Variants in FGF14 observed in about 807,000 individuals in gnomAD.
FGF14 encodes the protein fibroblast growth factor homologous factor 4.
A neutral mutation model predicts 25.5 loss-of-function variants in FGF14; 5 were observed. The ratio of observed to expected loss-of-function variants is 0.20; its 90% confidence interval spans 0.10 to 0.41. FGF14 has a LOEUF of 0.41. Ranked by LOEUF, FGF14 falls within the 10% of genes least tolerant of loss-of-function variation. FGF14 has a pLI of 1.00. For missense variants in FGF14, 222 were observed against 320.1 expected (o/e 0.69, Z 2.34); for synonymous variants, 138 against 118.3 (o/e 1.17, Z -1.08).
chr13:102,167,344 T>G (rs2048060311), intron 1 of FGF14, among the ~76,000 whole-genome samples: 1 of 149,998 alleles, frequency 6.7e-6, no homozygotes, highest in Admixed American at 6.6e-5. Flanking sequence ...AGGAAATTGT[T>G]ACCTCAGGTT....
intron 1 of FGF14, among the ~76,000 whole-genome samples, chr13:102,082,000 A>C (rs1595205918): frequency 6.6e-6 from 1 of 152,212 alleles, no homozygotes; most frequent in Non-Finnish European, 1.5e-5. Context: ...TTATTTAAGC[A>C]GTCAAAACAA....
chr13:102,198,499 A>G (rs1451223014), intron 1 of FGF14, among the ~76,000 whole-genome samples: 2 of 152,168 alleles, frequency 1.3e-5, no homozygotes, highest in African/African-American at 4.8e-5. Context: ...CTAGTCTTAA[A>G]ATTGCCTTTA....
intron 1 of FGF14, among the ~76,000 whole-genome samples, chr13:102,334,122 G>T (rs1484299691): frequency 6.6e-6 from 1 of 152,138 alleles, no homozygotes; most frequent in African/African-American, 2.4e-5. Flanking sequence ...GCCACCCAAA[G>T]TAAACCGGAA....
At chr13:101,872,583 G>GT (rs2045161156) in intron 2 of FGF14, among the ~76,000 whole-genome samples, 1 of 151,900 alleles carries the variant, frequency 6.6e-6, no homozygotes, top group Non-Finnish European at 1.5e-5. Flanking sequence ...AAGAAACACC[G>GT]TTTTGCAATT....
At chr13:102,359,224 ATACT>A (rs1426473267) in intron 1 of FGF14, among the ~76,000 whole-genome samples, 3 of 152,100 alleles carry the variant, frequency 2.0e-5, no homozygotes, top group African/African-American at 7.2e-5. Flanking sequence ...CCTGGGCTTA[ATACT>A]TAGGTGATGG....
In FGF14 at chr13:102,026,054, T is replaced by C. The variant is rs193289268; in HGVS notation, c.209-150758A>G. Reference sequence around the variant, plus strand: ...GTTCTAGGGGGAAATCATTCAGTCTTTCCTAATTTAGTCTGATGTTGATGT... The same window carrying C: ...GTTCTAGGGGGAAATCATTCAGTCTCTCCTAATTTAGTCTGATGTTGATGT... On this transcript the variant is annotated intron_variant, in intron 1 of 4. Transcript: ENST00000376131. Among the ~76,000 whole-genome samples, 363 of 152,138 alleles carry C rather than the reference T, an allele frequency of 2.4e-3. 1 individual carries two copies. Among genetic ancestry groups the C allele is most frequent in the Non-Finnish European group, 4.2e-3 (284 of 67,940 alleles).
At chr13:102,394,911 G>A (rs1566985699) in intron 1 of FGF14, 1 of 152,268 alleles carries the variant, frequency 6.6e-6, no homozygotes. Context: ...ACACTTCTCT[G>A]GAAGCCCGGG....
chr13:102,286,547 T>G (rs767168097), intron 1 of FGF14, among the ~76,000 whole-genome samples: 1 of 152,234 alleles, frequency 6.6e-6, no homozygotes, highest in Non-Finnish European at 1.5e-5. Context: ...GCTTAACTCA[T>G]AGTGCTCATC....
chr13:102,304,486 A>G (rs565709231), intron 1 of FGF14, among the ~76,000 whole-genome samples: 173 of 152,300 alleles, frequency 1.1e-3, no homozygotes, highest in Admixed American at 2.0e-3. Context: ...TTACTCAGTC[A>G]GATAGGCTTA....
intron 3 of FGF14, among the ~76,000 whole-genome samples, chr13:101,854,950 G>A (rs2044046076): frequency 6.6e-6 from 1 of 151,970 alleles, no homozygotes; most frequent in African/African-American, 2.4e-5. Context: ...AAATACCTAT[G>A]AGTACATATC....
intron 1 of FGF14, among the ~76,000 whole-genome samples, chr13:102,047,598 A>G (rs1013870725): frequency 2.0e-5 from 3 of 152,156 alleles, no homozygotes; most frequent in African/African-American, 4.8e-5. Flanking sequence ...CAAACACCGC[A>G]TATTCTCACT....
chr13:102,074,485 AGGTGTCATG>A (rs2043280917), intron 1 of FGF14, among the ~76,000 whole-genome samples: 3 of 152,218 alleles, frequency 2.0e-5, no homozygotes, highest in Admixed American at 1.3e-4. Context: ...CTAATGTGGC[AGGTGTCATG>A]TTAGACACTG....
intron 1 of FGF14, among the ~76,000 whole-genome samples, chr13:102,284,185 G>C (rs562790757): frequency 4.1e-4 from 62 of 152,260 alleles, no homozygotes; most frequent in African/African-American, 1.5e-3. Flanking sequence ...AACAGGTCTT[G>C]CATACACAAA....
chr13:102,314,916 A>G (rs1334610888), intron 1 of FGF14, among the ~76,000 whole-genome samples: 1 of 149,832 alleles, frequency 6.7e-6, no homozygotes, highest in East Asian at 1.9e-4. Flanking sequence ...ATATAAAAAT[A>G]CATAATAAAT....
intron 1 of FGF14, among the ~76,000 whole-genome samples, chr13:102,208,163 G>T (rs1034466183): frequency 6.6e-6 from 1 of 152,156 alleles, no homozygotes; most frequent in African/African-American, 2.4e-5. Context: ...TGAGAGATTC[G>T]CAAGGGGAAA....
chr13:101,867,477 T>C (rs2044772265), intron 3 of FGF14, among the ~76,000 whole-genome samples: 1 of 152,122 alleles, frequency 6.6e-6, no homozygotes, highest in African/African-American at 2.4e-5. Flanking sequence ...TCTAATGATG[T>C]TTAGGCCCCT....
chr13:101,749,852 G>A (rs1346916471), intron 3 of FGF14, among the ~76,000 whole-genome samples: 4 of 152,044 alleles, frequency 2.6e-5, no homozygotes, highest in African/African-American at 9.7e-5. Context: ...GGTGTTTGCT[G>A]TGATCTGACA....
chr13:101,981,367 C>T (rs2038253110), intron 1 of FGF14, among the ~76,000 whole-genome samples: 1 of 152,114 alleles, frequency 6.6e-6, no homozygotes, highest in Non-Finnish European at 1.5e-5. Context: ...ATCTACGAAC[C>T]AGGAAACAGG....
At chr13:102,223,902 CT>C (rs1161545615) in intron 1 of FGF14, among the ~76,000 whole-genome samples, 3 of 151,966 alleles carry the variant, frequency 2.0e-5, no homozygotes, top group East Asian at 1.9e-4. Context: ...TTATATTAAT[CT>C]TTTTTAGTTT....
Sources: gnomAD v4.1 joint callset for allele counts (sites outside exome capture counted in the v4.1 genomes callset) on GRCh38, gnomAD v4.1.1 for gene constraint, MANE v1.5 for transcripts, NCBI Gene and HGNC (gene_info 2026-07-23, HGNC 2026-07-21) for gene names.